Variants in NUMB observed in about 807,000 individuals in gnomAD.
NUMB encodes the protein NUMB endocytic adaptor protein, also known as protein numb homolog.
NUMB carries 29 observed loss-of-function variants against 59.7 expected under a neutral mutation model. That is an observed-to-expected ratio of 0.49 (90% CI 0.36 to 0.66). The LOEUF (loss-of-function observed/expected upper bound fraction) is 0.66. Among genes scored for constraint, NUMB ranks in the 30% least tolerant of loss-of-function variants. The pLI, the probability that NUMB is intolerant of heterozygous loss-of-function variation, is 0.00. For synonymous variants in NUMB, 288 were observed against 288.2 expected, an observed-to-expected ratio of 1.00 and a Z score of 0.01; for missense variants, 723 against 822.0, an observed-to-expected ratio of 0.88 and a Z score of 1.47.
chr14:73,358,549 C>T (rs1266791125), intron 3 of NUMB, among the ~76,000 whole-genome samples: 2 of 150,628 alleles, frequency 1.3e-5, no homozygotes, highest in East Asian at 3.9e-4. Context: ...TGGTTAAAGT[C>T]TACTCATCTT....
At chr14:73,409,051 C>T (rs964239785) in intron 2 of NUMB, 2 of 152,012 alleles carry the variant, frequency 1.3e-5, no homozygotes, top group Non-Finnish European at 2.9e-5. Context: ...TCATATATTA[C>T]ATGTTATTTA....
chr14:73,424,301 G>A (rs1897487908), intron 1 of NUMB, among the ~76,000 whole-genome samples: 1 of 152,146 alleles, frequency 6.6e-6, no homozygotes, highest in African/African-American at 2.4e-5. Flanking sequence ...AAGGTTCTGG[G>A]TCAGAATCCT....
chr14:73,436,823 A>G (rs1054780134), intron 1 of NUMB, among the ~76,000 whole-genome samples: 3 of 151,344 alleles, frequency 2.0e-5, no homozygotes, highest in African/African-American at 7.3e-5. Context: ...TACTAAAAAT[A>G]CAAAAATTAG....
rs537541610 is a variant in NUMB at position 73,421,024 on chromosome 14, T to C, written c.-232-10956A>G. On this transcript the variant is annotated intron_variant, in intron 1 of 12. Coordinates refer to ENST00000555238, the MANE Select transcript of NUMB (RefSeq NM_001005743.2). ...AGAAAAAAGACAAATTGTGGCATAG[T>C]CATAAAATTAATACAAGTATCTGAG... 2.8e-4 allele frequency among the ~76,000 whole-genome samples: 42 copies of C among 152,278 alleles called. 2 individuals carry two copies. In the South Asian group the frequency reaches 8.5e-3, roughly 31 times the overall value.
intron 1 of NUMB, among the ~76,000 whole-genome samples, chr14:73,425,292 A>G (rs2140158615): frequency 6.6e-6 from 1 of 152,340 alleles, no homozygotes; most frequent in South Asian, 2.1e-4. Context: ...TACATTGAAA[A>G]AAATTGCAGT....
intron 1 of NUMB, among the ~76,000 whole-genome samples, chr14:73,413,235 C>T (rs1308393615): frequency 2.0e-5 from 3 of 151,268 alleles, no homozygotes; most frequent in Non-Finnish European, 3.0e-5. Flanking sequence ...TACAGGCACA[C>T]ACCACCACGC....
intron 7 of NUMB, 109 bp downstream of exon 7, chr14:73,297,102 G>C: frequency 1.5e-6 from 1 of 657,974 alleles, no homozygotes; most frequent in Non-Finnish European, 2.6e-6. Context: ...GGGAGGTGGA[G>C]GTTGCGGTGG....
At chr14:73,419,274 G>C (rs1478831024) in intron 1 of NUMB, among the ~76,000 whole-genome samples, 1 of 152,192 alleles carries the variant, frequency 6.6e-6, no homozygotes, top group East Asian at 1.9e-4. Context: ...ACTTTGGGAG[G>C]CCGAGGCGGG....
intron 3 of NUMB, among the ~76,000 whole-genome samples, chr14:73,366,628 C>T (rs143066981): frequency 9.4e-4 from 143 of 152,236 alleles, no homozygotes; most frequent in Non-Finnish European, 1.6e-3. Context: ...TGTCACACAA[C>T]AAGTAAATGA....
intron 8 of NUMB, among the ~76,000 whole-genome samples, chr14:73,288,475 C>T (rs1021851600): frequency 2.6e-5 from 4 of 152,058 alleles, no homozygotes; most frequent in Non-Finnish European, 5.9e-5. Context: ...TGCTTGAAGT[C>T]GGGAAGTAGA....
Position 73,323,126 on chromosome 14 carries a change from A to T in NUMB, c.201+4T>A. 2 of 1,608,184 alleles carry T rather than the reference A, an allele frequency of 1.2e-6. No individual in the cohort carries two copies. Among genetic ancestry groups the T allele is most frequent in the Non-Finnish European group, 1.7e-6 (2 of 1,174,972 alleles). ...ATCAACACTGGCAACCATCAAATACATACAGCTTTCAATCTTTTTACAGCA... is the reference window on the plus strand; with the variant it reads ...ATCAACACTGGCAACCATCAAATACTTACAGCTTTCAATCTTTTTACAGCA... On this transcript the variant is annotated splice_donor_region_variant and intron_variant, in intron 5 of 12. Transcript: ENST00000555238.
At chr14:73,419,483 T>C (rs1897270524) in intron 1 of NUMB, among the ~76,000 whole-genome samples, 1 of 152,174 alleles carries the variant, frequency 6.6e-6, no homozygotes, top group Non-Finnish European at 1.5e-5. Context: ...CACTCCAGCC[T>C]GGGCGACAGA....
chr14:73,407,355 G>C (rs1422105546), intron 2 of NUMB, among the ~76,000 whole-genome samples: 1 of 152,156 alleles, frequency 6.6e-6, no homozygotes, highest in Non-Finnish European at 1.5e-5. Flanking sequence ...TGGAGGCAGA[G>C]ATGAGAGGAG....
In NUMB at chr14:73,421,957, C is replaced by T. The variant is rs183369511; in HGVS notation, c.-232-11889G>A. Among the ~76,000 whole-genome samples the T allele has an allele frequency of 4.1e-3, 622 of 151,926 alleles. 9 individuals carry two copies. Among genetic ancestry groups the T allele is most frequent in the Admixed American group, 0.03 (455 of 15,218 alleles). On this transcript the variant is annotated intron_variant, in intron 1 of 12. Transcript: ENST00000555238. Reference sequence around the variant, plus strand: ...AGTTTGAGCCCAGCCTGGCCAACATCGTGAAACCCCGTCTCTACTAAAAAT... The same window carrying T: ...AGTTTGAGCCCAGCCTGGCCAACATTGTGAAACCCCGTCTCTACTAAAAAT...
chr14:73,389,287 A>C lies in NUMB; in HGVS notation c.-101+20650T>G, dbSNP rs201393929. ...CTCCATCTCTCAAAAAAAAAAAAAA[A>C]AAAAAACAAAAACAAAAACACTGGT... On this transcript the variant is annotated intron_variant, in intron 2 of 12. Transcript: ENST00000555238. 1.0e-3 allele frequency among the ~76,000 whole-genome samples: 99 copies of C among 97,386 alleles called. 2 individuals are homozygous for C. Among genetic ancestry groups the C allele is most frequent in the Middle Eastern group, 8.9e-3 (2 of 224 alleles). The allele number at this position is 97,386 out of a possible 152,430, so 63.9% of individuals were successfully genotyped here. A position where few individuals can be genotyped will look rare whatever the true frequency, so the allele number is the denominator to read the frequency against.
intron 12 of NUMB, among the ~76,000 whole-genome samples, chr14:73,277,982 T>C (rs1888297531): frequency 7.6e-6 from 1 of 132,436 alleles, no homozygotes; most frequent in African/African-American, 2.9e-5. Context: ...TGCTTGAACC[T>C]GAGAGGCAGA....
chr14:73,303,155 T>C (rs1309171489), intron 6 of NUMB, among the ~76,000 whole-genome samples: 1 of 150,892 alleles, frequency 6.6e-6, no homozygotes, highest in Non-Finnish European at 1.5e-5. Context: ...GAGGTGGAGG[T>C]TGCAGTGAGC....
intron 1 of NUMB, among the ~76,000 whole-genome samples, chr14:73,442,295 C>T (rs559928022): frequency 1.3e-5 from 2 of 151,860 alleles, no homozygotes; most frequent in Admixed American, 1.3e-4. Context: ...ATCTCTTGAT[C>T]CTGGGAGGTT....
At chr14:73,437,287 C>A (rs765890240) in intron 1 of NUMB, among the ~76,000 whole-genome samples, 1 of 152,076 alleles carries the variant, frequency 6.6e-6, no homozygotes, top group Non-Finnish European at 1.5e-5. Flanking sequence ...CTCAGGCAAT[C>A]CAGCCTCCCA....
Sources: gnomAD v4.1 joint callset for allele counts (sites outside exome capture counted in the v4.1 genomes callset) on GRCh38, gnomAD v4.1.1 for gene constraint, MANE v1.5 for transcripts, NCBI Gene and HGNC (gene_info 2026-07-23, HGNC 2026-07-21) for gene names.